The following PRKDC variants were observed in gnomAD, a reference collection of about 807,000 sequenced individuals.
PRKDC encodes protein kinase, DNA-activated, catalytic subunit, also known as DNA-dependent protein kinase catalytic subunit.
In PRKDC, 82 loss-of-function variants were observed where a neutral mutation model predicts 486.9. The ratio of observed to expected loss-of-function variants is 0.17; its 90% CI spans 0.14 to 0.20. The LOEUF (loss-of-function observed/expected upper bound fraction) is 0.20. Among genes scored for constraint, PRKDC ranks in the 10% least tolerant of loss-of-function variants. PRKDC has a pLI of 1.00. For synonymous variants in PRKDC, 1,895 were observed against 1,837.0 expected, an observed-to-expected ratio of 1.03 and a Z score of -0.81; for missense variants, 4,504 against 5,038.2, an observed-to-expected ratio of 0.89 and a Z score of 3.21.
intron 59 of PRKDC, among the ~76,000 whole-genome samples, chr8:47,832,692 A>G (rs1202620299): frequency 6.6e-6 from 1 of 152,232 alleles, no homozygotes; most frequent in African/African-American, 2.4e-5. Context: ...TCTAAGCACT[A>G]GGACTCCAAA....
At chr8:47,834,852 G>A (rs1019947623) in intron 58 of PRKDC, among the ~76,000 whole-genome samples, 15 of 151,840 alleles carry the variant, frequency 9.9e-5, no homozygotes, top group Admixed American at 3.9e-4. Flanking sequence ...TACCACGCCC[G>A]GCTAATTTTT....
chr8:47,957,474 G>T, intron 1 of PRKDC, 43 bp from the exon 2 acceptor site: 1 of 1,481,534 alleles, frequency 6.7e-7, no homozygotes, highest in Non-Finnish European at 9.2e-7. Context: ...AGTGCCAAGA[G>T]CATCATGTAA....
In PRKDC at chr8:47,890,249, C is replaced by G; in HGVS notation, c.4071+8G>C. On this transcript the variant is annotated splice_region_variant and intron_variant, in intron 32 of 85. Transcript: ENST00000314191. ...AAAAACTGACCTCAAATTAACAGAGCAGCCTACCTTCCATCCTTCCGGGGA... is the reference window on the plus strand; with the variant it reads ...AAAAACTGACCTCAAATTAACAGAGGAGCCTACCTTCCATCCTTCCGGGGA... 1 of 1,598,380 alleles carries G rather than the reference C, an allele frequency of 6.3e-7. No individual in the cohort carries two copies. The highest frequency in any genetic ancestry group is 1.1e-5 in the South Asian group (1 of 88,328).
At chr8:47,853,991 G>C (rs1378033765) in intron 51 of PRKDC, 92 bp downstream of exon 51, 2 of 1,478,888 alleles carry the variant, frequency 1.4e-6, no homozygotes, top group Middle Eastern at 1.7e-4. Flanking sequence ...GCATGGGTCT[G>C]GTCCTTAAAA....
intron 36 of PRKDC, among the ~76,000 whole-genome samples, chr8:47,883,757 C>G (rs1028761054): frequency 6.6e-6 from 1 of 152,234 alleles, no homozygotes; most frequent in African/African-American, 2.4e-5. Flanking sequence ...TGTCTCTCAT[C>G]TTTCAGTTTT....
At chr8:47,890,217 C>T (rs1429463337) in intron 32 of PRKDC, 40 bp downstream of exon 32, 1 of 1,439,376 alleles carries the variant, frequency 6.9e-7, no homozygotes, top group Admixed American at 2.0e-5. Flanking sequence ...AGTAGTTTTC[C>T]AGTACCAAAA....
chr8:47,773,852 G>A lies in PRKDC; in HGVS notation c.*321C>T, dbSNP rs1372225399. ...ATTTCCTCCATTTACGGAGACAGCT[G>A]TTTCACTAACTTGCAGCACTTGTAA... On this transcript the variant is annotated 3_prime_UTR_variant, in exon 86 of 86. Transcript: ENST00000314191. 1 of 260,806 alleles carries A rather than the reference G, an allele frequency of 3.8e-6. No individual in the cohort carries two copies. The highest frequency in any genetic ancestry group is 2.2e-5 in the African/African-American group (1 of 46,148). 16.2% of individuals were successfully genotyped at this position (260,806 alleles called of 1,614,324 possible).
intron 7 of PRKDC, among the ~76,000 whole-genome samples, chr8:47,952,461 G>A (rs2090640384): frequency 6.6e-6 from 1 of 152,186 alleles, no homozygotes; most frequent in African/African-American, 2.4e-5. Context: ...CAAGATGGGG[G>A]AAGAGATTAA....
At chr8:47,780,569 A>C (rs375435217) in intron 80 of PRKDC, among the ~76,000 whole-genome samples, 2 of 152,202 alleles carry the variant, frequency 1.3e-5, no homozygotes, top group East Asian at 3.8e-4. Context: ...GTTGCTATTA[A>C]AGTTAGCTTT....
chr8:47,856,080 A>AT, intron 49 of PRKDC, among the ~76,000 whole-genome samples: 1 of 152,094 alleles, frequency 6.6e-6, no homozygotes. Flanking sequence ...ACCCCTCTTA[A>AT]TTTTTTCATT....
intron 78 of PRKDC, among the ~76,000 whole-genome samples, chr8:47,783,523 G>A (rs977692440): frequency 6.6e-6 from 1 of 152,056 alleles, no homozygotes; most frequent in African/African-American, 2.4e-5. Context: ...CCGGGAGGCA[G>A]AGGTTGCAGT....
intron 25 of PRKDC, among the ~76,000 whole-genome samples, chr8:47,910,834 A>AT (rs3842702): frequency 2.7e-4 from 41 of 149,290 alleles, no homozygotes; most frequent in East Asian, 9.8e-4. Flanking sequence ...ATTCCTAGAC[A>AT]TTTTTTTTTT....
intron 49 of PRKDC, among the ~76,000 whole-genome samples, chr8:47,856,006 CTT>C (rs1563769146): frequency 1.3e-5 from 2 of 152,210 alleles, no homozygotes; most frequent in Non-Finnish European, 1.5e-5. Context: ...GTTCCACTCT[CTT>C]GAGTTCAGCT....
At chr8:47,785,025 C>T (rs955428075) in intron 77 of PRKDC, 88 bp downstream of exon 77, 17 of 1,229,524 alleles carry the variant, frequency 1.4e-5, no homozygotes, top group Non-Finnish European at 1.9e-5. Context: ...GTCAATATCC[C>T]AGTATCACTA....
chr8:47,776,790 G>T (rs1344292849), intron 85 of PRKDC, 54 bp downstream of exon 85: 1 of 1,600,308 alleles, frequency 6.2e-7, no homozygotes, highest in African/African-American at 1.3e-5. Context: ...GGCTCCTCGA[G>T]AAACAGTAGC....
intron 73 of PRKDC, among the ~76,000 whole-genome samples, chr8:47,797,618 C>A (rs146491369): frequency 6.6e-6 from 1 of 152,214 alleles, no homozygotes; most frequent in Non-Finnish European, 1.5e-5. Context: ...AACTACGAAG[C>A]CTTTCAGAGG....
At chr8:47,877,025 A>C (rs1224922720) in intron 40 of PRKDC, among the ~76,000 whole-genome samples, 17 of 152,240 alleles carry the variant, frequency 1.1e-4, no homozygotes, top group Admixed American at 1.1e-3. Context: ...CAAAATTTCA[A>C]CCTGAATCTA....
At position 47,893,142 on chromosome 8, in the gene PRKDC, G is replaced by A. The variant is rs926072607; in HGVS notation, c.3844C>T (p.Leu1282=). Residue 1282 remains leucine, a synonymous_variant, in exon 31 of 86, where the codon CTA becomes TTA. Coordinates refer to ENST00000314191, the MANE Select transcript of PRKDC (RefSeq NM_006904.7). ...GERTVGALQV[L]GTEAQSSLLK... is the part of the protein sequence containing the mutation. ...GAATAAGGCAAGGGTGACCTACCTAGGACCTGGAGCGCTCCTACAGTTCTC... is the reference window on the plus strand; with the variant it reads ...GAATAAGGCAAGGGTGACCTACCTAAGACCTGGAGCGCTCCTACAGTTCTC... 3.8e-6 allele frequency: 6 copies of A among 1,596,744 alleles called. No individual in the cohort carries two copies. The African/African-American group carries it at 6.7e-5, about 18-fold the overall frequency.
intron 52 of PRKDC, among the ~76,000 whole-genome samples, chr8:47,852,066 T>C (rs2088419820): frequency 6.6e-6 from 1 of 152,200 alleles, no homozygotes; most frequent in African/African-American, 2.4e-5. Context: ...CAGTGTGCTA[T>C]GATTACACCA....
Sources: allele counts gnomAD v4.1 joint callset (sites outside exome capture counted in the v4.1 genomes callset), GRCh38; gene constraint gnomAD v4.1.1; transcripts MANE v1.5; gene names NCBI Gene and HGNC (gene_info 2026-07-23, HGNC 2026-07-21).